The following ZNF185 variants were observed in gnomAD, a reference collection of about 807,000 sequenced individuals.
The protein encoded by ZNF185 is zinc finger protein 185 with LIM domain.
A neutral mutation model predicts 58.6 loss-of-function variants in ZNF185; 56 were observed. The observed-to-expected ratio is 0.95, with a 90% CI of 0.77 to 1.19. The LOEUF is 1.19. ZNF185 is among the 50% of genes most tolerant of loss of function. The pLI, the probability that ZNF185 is intolerant of heterozygous loss-of-function variation, is 0.00. For missense variants in ZNF185, 627 were observed against 573.5 expected (o/e 1.09, Z -0.95); for synonymous variants, 230 against 215.9 (o/e 1.07, Z -0.57).
chrX:152,951,474 G>C (rs1556900043), intron 16 of ZNF185, among the ~76,000 whole-genome samples: 1 of 110,288 alleles, frequency 9.1e-6, no homozygotes, highest in Non-Finnish European at 1.9e-5. Context: ...TTTTAATTTG[G>C]GACAAAGCTA....
intron 3 of ZNF185, among the ~76,000 whole-genome samples, chrX:152,916,415 G>A (rs781883008): frequency 9.0e-6 from 1 of 111,448 alleles, no homozygotes; most frequent in Admixed American, 9.5e-5. Context: ...CTCCCTGCCC[G>A]CTCGTCTTGG....
intron 16 of ZNF185, among the ~76,000 whole-genome samples, chrX:152,947,349 C>T (rs1180068712): frequency 9.0e-6 from 1 of 111,296 alleles, no homozygotes; most frequent in Non-Finnish European, 1.9e-5. Flanking sequence ...TGCCACTGTA[C>T]TCCAGCCTGG....
At chrX:152,959,228 A>G (rs2049202667) in intron 16 of ZNF185, among the ~76,000 whole-genome samples, 1 of 111,609 alleles carries the variant, frequency 9.0e-6, no homozygotes, top group Admixed American at 9.4e-5. Flanking sequence ...GCCCCTACCG[A>G]GCCCTCCAGG....
the ZNF185 span, among the ~76,000 whole-genome samples, chrX:152,901,440 T>C: frequency 1.2e-5 from 1 of 82,687 alleles, no homozygotes; most frequent in East Asian, 3.2e-4. Flanking sequence ...TTATCTTTAA[T>C]TTTTTTTTTT....
intron 12 of ZNF185, among the ~76,000 whole-genome samples, chrX:152,930,589 C>T (rs1314400636): frequency 9.0e-6 from 1 of 110,857 alleles, no homozygotes; most frequent in Non-Finnish European, 1.9e-5. Flanking sequence ...GGTGTGCAGG[C>T]CAGTATAAAG....
intron 8 of ZNF185, 126 bp from the exon 10 acceptor site, chrX:152,920,581 G>T (rs1232645511): frequency 9.9e-7 from 1 of 1,009,740 alleles, no homozygotes; most frequent in African/African-American, 1.9e-5. Flanking sequence ...GAGGTCTGGC[G>T]GCTACCACCA....
At chrX:152,906,469 G>A in the ZNF185 span, among the ~76,000 whole-genome samples, 1 of 113,282 alleles carries the variant, frequency 8.8e-6, no homozygotes, top group South Asian at 3.6e-4. Context: ...ATAGCAATCA[G>A]CCTCTGCAGT....
chrX:152,936,899 G>GA (rs2046357214), intron 14 of ZNF185, among the ~76,000 whole-genome samples: 2 of 110,820 alleles, frequency 1.8e-5, no homozygotes, highest in Non-Finnish European at 3.8e-5. Context: ...GGGGCAGCCA[G>GA]CATTAGAGGG....
rs963175131 is a variant in ZNF185 at position 152,938,897 on chromosome X, G to C, written c.1211+734G>C. 5.9e-5 allele frequency among the ~76,000 whole-genome samples: 5 copies of C among 84,267 alleles called. 1 individual carries two copies. The highest frequency in any genetic ancestry group is 2.9e-4 in the African/African-American group (5 of 17,494). 73.2% of individuals were successfully genotyped at this position (84,267 alleles called of 115,157 possible). ...GGTGGGTGGAAAAGGCAACTCAGGC[G>C]ATCTCCTCTAAAGAGGAGAAGGAGC... On this transcript the variant is annotated intron_variant, in intron 15 of 22. Coordinates refer to ENST00000449285, the Ensembl canonical transcript of ZNF185.
chrX:152,926,186 AGACT>A (rs782345681), intron 11 of ZNF185, among the ~76,000 whole-genome samples: 43 of 112,528 alleles, frequency 3.8e-4, no homozygotes, highest in African/African-American at 1.4e-3. Flanking sequence ...GCTTTGCATC[AGACT>A]GACTGTGTGA....
chrX:152,918,179 C>T (rs782416198), intron 6 of ZNF185, 25 bp downstream of exon 7: 1 of 1,173,633 alleles, frequency 8.5e-7, no homozygotes, highest in South Asian at 1.9e-5. Context: ...CCAGGCTCAG[C>T]GTGGTTCCCT....
chrX:152,904,164 A>G, the ZNF185 span, among the ~76,000 whole-genome samples: 1 of 111,457 alleles, frequency 9.0e-6, no homozygotes, highest in Non-Finnish European at 1.9e-5. Flanking sequence ...AGCCCCTGGG[A>G]CTGGAGCATC....
intron 14 of ZNF185, among the ~76,000 whole-genome samples, chrX:152,933,792 A>T (rs2045967068): frequency 8.9e-6 from 1 of 112,430 alleles, no homozygotes. Context: ...CTGGCCAAGG[A>T]GGGAATCCTG....
intron 15 of ZNF185, chrX:152,941,585 G>GCGCGCCTGTGCACCTCGGCGAGCA (rs2047189645): frequency 2.4e-5 from 25 of 1,057,405 alleles, no homozygotes; most frequent in Non-Finnish European, 3.0e-5. Flanking sequence ...CGCGACGCGT[G>GCGCGCCTGTGCACCTCGGCGAGCA]CGCGCCTGTG....
intron 20 of ZNF185, among the ~76,000 whole-genome samples, chrX:152,967,951 A>T (rs1334305733): frequency 8.9e-6 from 1 of 112,100 alleles, no homozygotes; most frequent in African/African-American, 3.2e-5. Context: ...GACTACTCCC[A>T]GGTTAGGGAT....
At position 152,959,255 on chromosome X, in the gene ZNF185, G is replaced by A. The variant is rs2049208192; in HGVS notation, c.1410-444G>A. On this transcript the variant is annotated intron_variant, in intron 16 of 22. Coordinates refer to ENST00000449285, the Ensembl canonical transcript of ZNF185. ...CCCTCCAGGGTAGCTTGGGGGAGAA[G>A]CTCCTCCCTAGACTGCCGGGTATTT... is the stretch of plus-strand genomic sequence containing the variant. 2.7e-5 allele frequency among the ~76,000 whole-genome samples: 3 copies of A among 111,799 alleles called. No individual in the cohort carries two copies. The South Asian group carries it at 1.1e-3, about 42-fold the overall frequency.
At chrX:152,904,669 G>A in the ZNF185 span, among the ~76,000 whole-genome samples, 2 of 112,339 alleles carry the variant, frequency 1.8e-5, no homozygotes, top group African/African-American at 6.5e-5. Flanking sequence ...TGGGGGTGGA[G>A]GTGGTGCTTC....
At chrX:152,941,738 C>T (rs1267803288) in intron 15 of ZNF185, 4 of 1,163,620 alleles carry the variant, frequency 3.4e-6, no homozygotes, top group South Asian at 3.8e-5. Context: ...TCGGCCTCGG[C>T]GGGGATTCTC....
chrX:152,947,086 A>G (rs1220220096), intron 16 of ZNF185, among the ~76,000 whole-genome samples: 9 of 112,173 alleles, frequency 8.0e-5, no homozygotes, highest in Non-Finnish European at 1.7e-4. Context: ...TTGAATTATT[A>G]AAGGTAAAAG....
Sources: gnomAD v4.1 joint callset for allele counts (sites outside exome capture counted in the v4.1 genomes callset) on GRCh38, gnomAD v4.1.1 for gene constraint, MANE v1.5 for transcripts, NCBI Gene and HGNC (gene_info 2026-07-23, HGNC 2026-07-21) for gene names.